CAST: variants seen among roughly 807,000 people sequenced by gnomAD.
CAST encodes the protein calpastatin, also known as MIR583 host.
A neutral mutation model predicts 119.6 loss-of-function variants in CAST; 76 were observed. That is an observed-to-expected ratio of 0.64 (90% CI 0.53 to 0.77). The LOEUF (loss-of-function observed/expected upper bound fraction) is 0.77. Among genes scored for constraint, CAST ranks in the 30% least tolerant of loss-of-function variants. The pLI is 0.00. For synonymous variants in CAST, 319 were observed against 331.6 expected (o/e 0.96, Z 0.41); for missense variants, 953 against 946.5 (o/e 1.01, Z -0.09).
chr5:96,054,474 A>G, the CAST span, among the ~76,000 whole-genome samples: 4 of 152,060 alleles, frequency 2.6e-5, no homozygotes, highest in African/African-American at 9.7e-5. Context: ...AGTCTTATTC[A>G]TCACGGCATA....
chr5:96,097,576 G>A, the CAST span, among the ~76,000 whole-genome samples: 2 of 152,140 alleles, frequency 1.3e-5, no homozygotes, highest in Non-Finnish European at 2.9e-5. Context: ...GTGACAACAT[G>A]TGGTATTTGG....
the CAST span, among the ~76,000 whole-genome samples, chr5:96,262,308 G>A: frequency 6.6e-6 from 1 of 152,118 alleles, no homozygotes; most frequent in African/African-American, 2.4e-5. Context: ...GGAGAAGGGG[G>A]CTGAAGCCAC....
intron 1 of CAST, among the ~76,000 whole-genome samples, chr5:96,573,246 A>T (rs1000808493): frequency 2.0e-5 from 3 of 152,094 alleles, no homozygotes; most frequent in Non-Finnish European, 4.4e-5. Context: ...TTTGAGCTTT[A>T]AGGCATCTTG....
the CAST span, chr5:96,423,359 A>C: frequency 6.2e-7 from 1 of 1,613,642 alleles, no homozygotes. Context: ...ACCATCATCC[A>C]GTACGGTGAT....
At chr5:96,063,897 C>G in the CAST span, among the ~76,000 whole-genome samples, 1 of 152,060 alleles carries the variant, frequency 6.6e-6, no homozygotes, top group Non-Finnish European at 1.5e-5. Flanking sequence ...TGTTGTAAAG[C>G]TTTTGGAACA....
chr5:96,031,215 T>G, the CAST span, among the ~76,000 whole-genome samples: 1 of 150,974 alleles, frequency 6.6e-6, no homozygotes. Flanking sequence ...AGACTTTTTC[T>G]TTTCCCAGAA....
chr5:96,032,830 A>G, the CAST span, among the ~76,000 whole-genome samples: 4 of 152,138 alleles, frequency 2.6e-5, no homozygotes, highest in African/African-American at 9.7e-5. Flanking sequence ...AGCCAGAGCA[A>G]TTAGGCAAGA....
At chr5:96,494,924 T>C in the CAST span, among the ~76,000 whole-genome samples, 64 of 152,122 alleles carry the variant, frequency 4.2e-4, no homozygotes, top group African/African-American at 1.4e-3. Context: ...GAGACCATCC[T>C]GGCTAACACA....
the CAST span, chr5:96,432,856 C>T: frequency 1.2e-6 from 2 of 1,612,682 alleles, no homozygotes; most frequent in Middle Eastern, 1.9e-4. Flanking sequence ...AAAGTGGAAA[C>T]TCTTACCTGA....
At chr5:96,671,121 G>A (rs2150236950) in intron 1 of CAST, among the ~76,000 whole-genome samples, 1 of 152,294 alleles carries the variant, frequency 6.6e-6, no homozygotes, top group African/African-American at 2.4e-5. Context: ...TCCTTCTTGA[G>A]TTAAGATAGC....
At chr5:96,292,607 G>T in the CAST span, among the ~76,000 whole-genome samples, 1 of 152,188 alleles carries the variant, frequency 6.6e-6, no homozygotes, top group Non-Finnish European at 1.5e-5. Flanking sequence ...TTCTCACAAG[G>T]TGATTATGTT....
chr5:96,385,611 T>C, the CAST span, among the ~76,000 whole-genome samples: 1 of 152,220 alleles, frequency 6.6e-6, no homozygotes, highest in Admixed American at 6.5e-5. Flanking sequence ...GTATGCTTAA[T>C]GCAAAGAAAA....
chr5:96,292,633 A>G, the CAST span, among the ~76,000 whole-genome samples: 1 of 152,366 alleles, frequency 6.6e-6, no homozygotes. Context: ...TGGAATTAAT[A>G]CTAAAGTTAG....
the CAST span, among the ~76,000 whole-genome samples, chr5:96,292,695 C>T: frequency 3.3e-5 from 5 of 152,158 alleles, no homozygotes; most frequent in Non-Finnish European, 7.3e-5. Flanking sequence ...GTAGCTCATA[C>T]AGTGCTAAAT....
chr5:96,613,043 T>G (rs1747390838), intron 1 of CAST, among the ~76,000 whole-genome samples: 1 of 152,238 alleles, frequency 6.6e-6, no homozygotes, highest in African/African-American at 2.4e-5. Flanking sequence ...CTCTCTATTC[T>G]GTTCCACTGG....
At chr5:96,167,210 A>G in the CAST span, among the ~76,000 whole-genome samples, 1 of 152,176 alleles carries the variant, frequency 6.6e-6, no homozygotes, top group Non-Finnish European at 1.5e-5. Flanking sequence ...AAGATTATTT[A>G]TTTACTTTAA....
the CAST span, among the ~76,000 whole-genome samples, chr5:96,513,829 C>T: frequency 2.6e-5 from 4 of 152,292 alleles, no homozygotes; most frequent in African/African-American, 7.2e-5. Context: ...ATTCTCTCGC[C>T]GTCCTAGAGG....
At chr5:96,066,917 C>G in the CAST span, among the ~76,000 whole-genome samples, 1 of 152,188 alleles carries the variant, frequency 6.6e-6, no homozygotes, top group East Asian at 1.9e-4. Flanking sequence ...CCTCCAGCCT[C>G]AGCCTCCCAA....
At chr5:96,713,914 A>C (rs1389519851) in intron 3 of CAST, among the ~76,000 whole-genome samples, 1 of 152,080 alleles carries the variant, frequency 6.6e-6, no homozygotes, top group African/African-American at 2.4e-5. Context: ...GGCGGAGGTT[A>C]CAGTGAGCCA....
Sources: gnomAD v4.1 joint callset for allele counts (sites outside exome capture counted in the v4.1 genomes callset) on GRCh38, gnomAD v4.1.1 for gene constraint, MANE v1.5 for transcripts, NCBI Gene and HGNC (gene_info 2026-07-23, HGNC 2026-07-21) for gene names.